SNX14: variants seen among roughly 807,000 people sequenced by gnomAD.
The protein encoded by SNX14 is sorting nexin 14, also known as sorting nexin-14.
In SNX14, 93 loss-of-function variants were observed where a neutral mutation model predicts 133.8. The observed-to-expected ratio is 0.70, with a 90% CI of 0.59 to 0.83. The LOEUF (loss-of-function observed/expected upper bound fraction) is 0.83. Ranked by LOEUF, SNX14 falls within the 40% of genes least tolerant of loss-of-function variation. The pLI, the probability that SNX14 is intolerant of heterozygous loss-of-function variation, is 0.00. For synonymous variants in SNX14, 368 were observed against 365.6 expected, an observed-to-expected ratio of 1.01 and a Z score of -0.07; for missense variants, 945 against 1,094.9, an observed-to-expected ratio of 0.86 and a Z score of 1.93.
chr6:85,572,437 G>C (rs1211960982), intron 2 of SNX14, 63 bp from the exon 3 acceptor site: 2 of 1,284,882 alleles, frequency 1.6e-6, no homozygotes, highest in Admixed American at 4.4e-5. Context: ...TTATTTAAAA[G>C]AATCAACTTT....
chr6:85,569,581 C>G (rs1204028072), intron 4 of SNX14, among the ~76,000 whole-genome samples: 1 of 152,184 alleles, frequency 6.6e-6, no homozygotes, highest in Non-Finnish European at 1.5e-5. Context: ...AATCTAAGCT[C>G]CATCAGCATA....
chr6:85,530,175 CA>C lies in SNX14; in HGVS notation c.1894+16del, dbSNP rs759464243. ...TAATGCTGAAATGTAATGTTTTATC[CA>C]AAAAGAATAACATACCATGAAATTC... On this transcript the variant is annotated intron_variant, in intron 19 of 28. Coordinates refer to ENST00000314673, the MANE Select transcript of SNX14 (RefSeq NM_153816.6). The C allele has an allele frequency of 2.7e-6, 4 of 1,477,016 alleles. No homozygotes were observed. Among genetic ancestry groups the C allele is most frequent in the Admixed American group, 1.8e-5 (1 of 55,480 alleles). 91.5% of individuals were successfully genotyped at this position (1,477,016 alleles called of 1,614,324 possible). A position where few individuals can be genotyped will look rare whatever the true frequency, so the allele number is the denominator to read the frequency against.
At position 85,514,642 on chromosome 6, in the gene SNX14, T is replaced by C. The variant is rs1488337738; in HGVS notation, c.2269-13A>G. ...GATCATTGAAAAGCTAAAATAAAAG[T>C]TGGAATAATAAAGAGATATATAGTT... On this transcript the variant is annotated splice_polypyrimidine_tract_variant and intron_variant, in intron 23 of 28. Transcript: ENST00000314673. The C allele has an allele frequency of 2.5e-6, 4 of 1,604,914 alleles. No homozygotes were observed. The highest frequency in any genetic ancestry group is 3.4e-6 in the Non-Finnish European group (4 of 1,173,962).
At chr6:85,558,121 C>A in intron 6 of SNX14, 61 bp from the exon 7 acceptor site, 1 of 812,640 alleles carries the variant, frequency 1.2e-6, no homozygotes, top group Non-Finnish European at 2.1e-6. Flanking sequence ...ATGGCAGGTA[C>A]ACTACAATTA....
intron 26 of SNX14, among the ~76,000 whole-genome samples, chr6:85,511,998 A>G (rs534201328): frequency 3.3e-4 from 51 of 152,280 alleles, no homozygotes; most frequent in African/African-American, 1.1e-3. Context: ...GTGAGCTTGT[A>G]CCACTGAACT....
chr6:85,587,329 C>T (rs1469391826), intron 1 of SNX14, among the ~76,000 whole-genome samples: 1 of 151,938 alleles, frequency 6.6e-6, no homozygotes, highest in African/African-American at 2.4e-5. Context: ...ATTAAAAAGA[C>T]AAACCTCTAG....
At chr6:85,545,752 C>T (rs1023282908) in intron 12 of SNX14, among the ~76,000 whole-genome samples, 5 of 152,108 alleles carry the variant, frequency 3.3e-5, no homozygotes, top group African/African-American at 1.2e-4. Flanking sequence ...GGCATGATCT[C>T]GGCTCACTGC....
intron 7 of SNX14, among the ~76,000 whole-genome samples, chr6:85,554,390 C>T (rs2128124660): frequency 6.6e-6 from 1 of 152,158 alleles, no homozygotes; most frequent in South Asian, 2.1e-4. Context: ...TATATAACGC[C>T]TATTCTCAAG....
chr6:85,573,635 G>A (rs1317969483), intron 2 of SNX14, among the ~76,000 whole-genome samples: 13 of 152,144 alleles, frequency 8.5e-5, no homozygotes, highest in Non-Finnish European at 1.5e-5. Context: ...TTATATCTCT[G>A]TTTCTATGAA....
At chr6:85,539,124 T>C (rs1782816761) in intron 15 of SNX14, among the ~76,000 whole-genome samples, 1 of 152,202 alleles carries the variant, frequency 6.6e-6, no homozygotes, top group African/African-American at 2.4e-5. Context: ...ATGTTTTCTC[T>C]TGGGTGACAT....
chr6:85,556,689 G>C (rs994004003), intron 7 of SNX14, among the ~76,000 whole-genome samples: 2 of 152,002 alleles, frequency 1.3e-5, no homozygotes, highest in East Asian at 3.9e-4. Context: ...CTGACCTCAA[G>C]TGAGCTGCCC....
At chr6:85,518,559 G>T (rs924214561) in intron 21 of SNX14, among the ~76,000 whole-genome samples, 1 of 152,080 alleles carries the variant, frequency 6.6e-6, no homozygotes, top group African/African-American at 2.4e-5. Flanking sequence ...ATTACTTCTT[G>T]ATCTCCAGCT....
chr6:85,582,104 A>G (rs1799220210), intron 1 of SNX14, among the ~76,000 whole-genome samples: 1 of 152,186 alleles, frequency 6.6e-6, no homozygotes, highest in Non-Finnish European at 1.5e-5. Context: ...ACCAAGAAAA[A>G]AGAAACAAAT....
intron 1 of SNX14, among the ~76,000 whole-genome samples, chr6:85,587,056 AAGAG>A (rs536562495): frequency 1.4e-3 from 220 of 152,092 alleles, no homozygotes; most frequent in Non-Finnish European, 2.5e-3. Flanking sequence ...AAAAAAAAGA[AAGAG>A]AGAGAGACAG....
chr6:85,522,534 CTTCT>C (rs1777225989), intron 21 of SNX14, among the ~76,000 whole-genome samples: 1 of 152,078 alleles, frequency 6.6e-6, no homozygotes, highest in Non-Finnish European at 1.5e-5. Flanking sequence ...TTTCTTGGGT[CTTCT>C]TTAATATCTC....
chr6:85,520,368 T>G (rs899434633), intron 21 of SNX14, among the ~76,000 whole-genome samples: 3 of 151,552 alleles, frequency 2.0e-5, no homozygotes, highest in Non-Finnish European at 4.4e-5. Context: ...TTTACCTTTT[T>G]TTTTTTTTAG....
chr6:85,537,150 C>T (rs1266760689), intron 16 of SNX14: 1 of 356,850 alleles, frequency 2.8e-6, no homozygotes, highest in Non-Finnish European at 5.0e-6. Context: ...ATAAATGGGA[C>T]AATATTTATT....
Position 85,517,746 on chromosome 6 carries a change from T to C in SNX14, c.2268+10A>G. On this transcript the variant is annotated intron_variant, in intron 23 of 28. Transcript: ENST00000314673. ...AAAACTTAATAGTTCTTTAATGCAA[T>C]GTGCAGTACCTTCTTGTTGTTTTCT... 6.4e-7 allele frequency: 1 copy of C among 1,571,252 alleles called. No individual in the cohort carries two copies. The highest frequency in any genetic ancestry group is 8.6e-7 in the Non-Finnish European group (1 of 1,166,920).
intron 23 of SNX14, among the ~76,000 whole-genome samples, chr6:85,515,584 A>T (rs1045507754): frequency 2.0e-5 from 3 of 152,074 alleles, no homozygotes; most frequent in African/African-American, 7.2e-5. Flanking sequence ...CTGAAGATGA[A>T]TTTTTTAAAA....
Sources: allele counts gnomAD v4.1 joint callset (sites outside exome capture counted in the v4.1 genomes callset), GRCh38; gene constraint gnomAD v4.1.1; transcripts MANE v1.5; gene names NCBI Gene and HGNC (gene_info 2026-07-23, HGNC 2026-07-21).